Variants in ZNF821 observed in about 807,000 individuals in gnomAD.
ZNF821 encodes zinc finger protein 821.
Under a neutral mutation model 44.3 loss-of-function variants are expected in ZNF821, and 16 were observed. That is an observed-to-expected ratio of 0.36 (90% CI 0.24 to 0.55). The LOEUF (loss-of-function observed/expected upper bound fraction) is 0.55. Ranked by LOEUF, ZNF821 falls within the 20% of genes least tolerant of loss-of-function variation. The pLI is 0.86. For synonymous variants in ZNF821, 204 were observed against 197.6 expected (o/e 1.03, Z -0.27); for missense variants, 436 against 547.6 (o/e 0.80, Z 2.03).
intron 3 of ZNF821, among the ~76,000 whole-genome samples, chr16:71,875,393 C>T (rs528260213): frequency 6.6e-6 from 1 of 151,806 alleles, no homozygotes; most frequent in Admixed American, 6.6e-5. Flanking sequence ...GTGATTCTCC[C>T]GTGTTAGTCT....
At chr16:71,879,448 A>C (rs1231975647) in intron 3 of ZNF821, among the ~76,000 whole-genome samples, 1 of 151,838 alleles carries the variant, frequency 6.6e-6, no homozygotes, top group African/African-American at 2.4e-5. Context: ...GAGCTCTTTT[A>C]ACTTCCTTCC....
chr16:71,891,867 T>G (rs1030666797), intron 1 of ZNF821, among the ~76,000 whole-genome samples: 1 of 151,608 alleles, frequency 6.6e-6, no homozygotes, highest in Admixed American at 6.6e-5. Context: ...GGCGTGGTGG[T>G]GCAGGCCTGT....
rs75159341 is a variant in ZNF821, at chr16:71,866,053, A to G, written c.167-1005T>C. ...AAGTGCTAGTACCTTGAAGATCACA[A>G]GAAGTAGCCAAGCCTAGGGAAGCTG... On this transcript the variant is annotated intron_variant, in intron 4 of 7. Transcript: ENST00000425432. Among the ~76,000 whole-genome samples the G allele has an allele frequency of 6.1e-3, 929 of 152,326 alleles. 11 individuals are homozygous for G. Among genetic ancestry groups the G allele is most frequent in the African/African-American group, 0.02 (826 of 41,576 alleles).
At chr16:71,887,789 T>C (rs980321379), upstream of ZNF821, among the ~76,000 whole-genome samples, 9 of 152,220 alleles carry the variant, frequency 5.9e-5, no homozygotes, top group African/African-American at 2.2e-4. Flanking sequence ...TATTTTTTCA[T>C]GTGCTTATTA....
At chr16:71,862,868 A>G (rs2034068584) in intron 6 of ZNF821, among the ~76,000 whole-genome samples, 2 of 152,088 alleles carry the variant, frequency 1.3e-5, no homozygotes, top group South Asian at 2.1e-4. Flanking sequence ...CCTGGTTCAC[A>G]CTAATTTTTA....
chr16:71,894,516 G>C (rs1199938254), intron 1 of ZNF821: 1 of 242,856 alleles, frequency 4.1e-6, no homozygotes, highest in Non-Finnish European at 8.1e-6. Context: ...AAAATGTTGA[G>C]ATTACAGGCG....
upstream of ZNF821, among the ~76,000 whole-genome samples, chr16:71,887,039 T>G (rs1435706601): frequency 6.6e-6 from 1 of 152,242 alleles, no homozygotes; most frequent in East Asian, 1.9e-4. Context: ...TATGGCTGAA[T>G]TATATTCTGT....
upstream of ZNF821, chr16:71,884,697 C>G (rs2036776169): frequency 6.6e-6 from 1 of 152,184 alleles, no homozygotes. Flanking sequence ...CTGTCAGAAC[C>G]TCAGAGCTGG....
intron 4 of ZNF821, among the ~76,000 whole-genome samples, chr16:71,867,358 G>A (rs1470152865): frequency 6.6e-6 from 1 of 151,860 alleles, no homozygotes; most frequent in Non-Finnish European, 1.5e-5. Flanking sequence ...ATCTGTATGT[G>A]GCACTGTGCC....
chr16:71,868,179 T>C, intron 3 of ZNF821, 142 bp from the exon 4 acceptor site: 1 of 932,380 alleles, frequency 1.1e-6, no homozygotes, highest in Non-Finnish European at 1.6e-6. Flanking sequence ...GTCAGCTTGC[T>C]GCCTCCAACA....
rs1036827907 is a variant in ZNF821 at position 71,860,752 on chromosome 16, A to T, written c.585-80T>A. On this transcript the variant is annotated intron_variant, in intron 7 of 7. Coordinates refer to ENST00000425432, the MANE Select transcript of ZNF821 (RefSeq NM_001201552.2). The surrounding 1 kb of genome is among the most constrained non-coding windows in gnomAD (Gnocchi z 7.3). ...TCCAGCCCTGCCTTATTCTTTTCCT[A>T]TGAGGCCAGTGGCTCCACGCTCACC... 2 of 1,452,500 alleles carry T rather than the reference A, an allele frequency of 1.4e-6. No homozygotes were observed. The highest frequency in any genetic ancestry group is 2.8e-5 in the African/African-American group (2 of 71,440). The allele number at this position is 1,452,500 out of a possible 1,614,324, so 90.0% of individuals were successfully genotyped here. A position where few individuals can be genotyped will look rare whatever the true frequency, so the allele number is the denominator to read the frequency against.
chr16:71,883,943 T>C lies in ZNF821; in HGVS notation c.-176A>G, dbSNP rs1289916509. On this transcript the variant is annotated 5_prime_UTR_variant, in exon 1 of 8. Coordinates refer to ENST00000425432, the MANE Select transcript of ZNF821 (RefSeq NM_001201552.2). The stretch of plus-strand genomic sequence containing the variant: ...GGCGCTGCGCTGCGCTCTGGGTCCC[T>C]GGGCCCCGCCTCCGGACAGACGGAC... The C allele has an allele frequency of 6.6e-6, 1 of 152,040 alleles. No homozygotes were observed. Among genetic ancestry groups the C allele is most frequent in the Admixed American group, 6.6e-5 (1 of 15,264 alleles). 9.4% of individuals were successfully genotyped at this position (152,040 alleles called of 1,614,324 possible).
intron 3 of ZNF821, among the ~76,000 whole-genome samples, chr16:71,869,235 C>T (rs2034903936): frequency 6.6e-6 from 1 of 152,126 alleles, no homozygotes. Context: ...CTGACAATAG[C>T]CAGGCCCTTT....
rs566338858 is a variant in ZNF821 at position 71,877,370 on chromosome 16, C to T, written c.40+2537G>A. On this transcript the variant is annotated intron_variant, in intron 3 of 7. Coordinates refer to ENST00000425432, the MANE Select transcript of ZNF821 (RefSeq NM_001201552.2). The stretch of plus-strand genomic sequence containing the variant: ...CAACTTCCCAGGCTCCAGCCATCCT[C>T]CCACCTCAGCCTTCTGAGTAGCTGG... Among the ~76,000 whole-genome samples, 154 of 152,264 alleles carry T rather than the reference C, an allele frequency of 1.0e-3. 1 individual carries two copies. The highest frequency in any genetic ancestry group is 3.4e-3 in the Middle Eastern group (1 of 294).
intron 3 of ZNF821, among the ~76,000 whole-genome samples, chr16:71,878,500 T>C (rs1954484834): frequency 6.6e-6 from 1 of 152,296 alleles, no homozygotes; most frequent in East Asian, 1.9e-4. Flanking sequence ...CTCAAATCTG[T>C]GTAGATATTA....
At chr16:71,873,956 ATTTT>A (rs138380961) in intron 3 of ZNF821, among the ~76,000 whole-genome samples, 2 of 123,270 alleles carry the variant, frequency 1.6e-5, no homozygotes, top group Admixed American at 9.0e-5. Context: ...CCCGGCTGGA[ATTTT>A]TTTTTTTTTT....
At chr16:71,875,169 A>G (rs952511911) in intron 3 of ZNF821, among the ~76,000 whole-genome samples, 7 of 152,166 alleles carry the variant, frequency 4.6e-5, no homozygotes, top group Admixed American at 6.5e-5. Context: ...GCAAAGTCCC[A>G]CCTACTCCAC....
At chr16:71,891,189 T>C (rs1366082405) in intron 1 of ZNF821, among the ~76,000 whole-genome samples, 1 of 152,230 alleles carries the variant, frequency 6.6e-6, no homozygotes, top group East Asian at 1.9e-4. Flanking sequence ...CTTATTTTAT[T>C]GGGCTCAAAC....
upstream of ZNF821, among the ~76,000 whole-genome samples, chr16:71,889,228 C>A (rs1009012404): frequency 6.6e-6 from 1 of 152,072 alleles, no homozygotes; most frequent in African/African-American, 2.4e-5. Flanking sequence ...CAGAGTGAAA[C>A]CATGTCTTAA....
Sources: gnomAD v4.1 joint callset for allele counts (sites outside exome capture counted in the v4.1 genomes callset) on GRCh38, gnomAD v4.1.1 for gene constraint, Gnocchi (gnomAD v3.1) non-coding constraint, MANE v1.5 for transcripts, NCBI Gene and HGNC (gene_info 2026-07-23, HGNC 2026-07-21) for gene names.